The following DAB2IP variants were observed in gnomAD, a reference collection of about 807,000 sequenced individuals.
DAB2IP encodes the protein DAB2 interacting protein.
In DAB2IP, 28 loss-of-function variants were observed where a neutral mutation model predicts 107.2. The observed-to-expected ratio is 0.26, with a 90% confidence interval of 0.19 to 0.36. DAB2IP has a LOEUF of 0.36. Ranked by LOEUF, DAB2IP falls within the 10% of genes least tolerant of loss-of-function variation. The pLI is 1.00. For synonymous variants in DAB2IP, 755 were observed against 706.4 expected (o/e 1.07, Z -1.09); for missense variants, 1,400 against 1,644.7 (o/e 0.85, Z 2.57).
Position 121,760,562 on chromosome 9 carries a change from G to A in DAB2IP, c.1170+123G>A, listed in dbSNP as rs1025945221. On this transcript the variant is annotated intron_variant, in intron 6 of 15. Transcript: ENST00000408936. This position sits in a 1 kb window ranked among gnomAD's most constrained non-coding sequence, Gnocchi z 5.9. ...TTGGAGGCACCGGTCACTACCAGAA[G>A]GGCTCCCTAAACCCAAAAGTTCTAT... 8.4e-5 allele frequency: 106 copies of A among 1,266,518 alleles called. 1 individual carries two copies. The African/African-American group carries it at 1.5e-3, about 18-fold the overall frequency. 78.5% of individuals were successfully genotyped at this position (1,266,518 alleles called of 1,614,324 possible).
Position 121,699,278 on chromosome 9 carries a change from C to CTCAAG in DAB2IP, c.229-47_229-46insTCAAG. Reference sequence around the variant, plus strand: ...CGCGCGGGTCCCGGCCCGCCGCCGCCGCGCTAACCCCGCCTCCCCTTCCCC... The same window carrying CTCAAG: ...CGCGCGGGTCCCGGCCCGCCGCCGCCTCAAGGCGCTAACCCCGCCTCCCCTTCCCC... On this transcript the variant is annotated intron_variant, in intron 2 of 15. Transcript: ENST00000408936. This position sits in a 1 kb window ranked among gnomAD's most constrained non-coding sequence, Gnocchi z 6.2. The CTCAAG allele has an allele frequency of 7.6e-7, 1 of 1,316,368 alleles. No individual in the cohort carries two copies. 81.5% of individuals were successfully genotyped at this position (1,316,368 alleles called of 1,614,324 possible). A position where few individuals can be genotyped will look rare whatever the true frequency, so the allele number is the denominator to read the frequency against.
chr9:121,651,924 C>G lies in DAB2IP; in HGVS notation c.124+25C>G. 7.5e-7 allele frequency: 1 copy of G among 1,338,136 alleles called. No homozygotes were observed. The highest frequency in any genetic ancestry group is 9.6e-7 in the Non-Finnish European group (1 of 1,037,306). The allele number at this position is 1,338,136 out of a possible 1,614,324, so 82.9% of individuals were successfully genotyped here. A position where few individuals can be genotyped will look rare whatever the true frequency, so the allele number is the denominator to read the frequency against. On this transcript the variant is annotated intron_variant, in intron 1 of 15. Transcript: ENST00000408936. This position sits in a 1 kb window ranked among gnomAD's most constrained non-coding sequence, Gnocchi z 5.1. ...GGTAGGCGCCACCCCGACCCCTGACCCCTAGACCCTCCTAAGGCCACTAAG... is the reference window on the plus strand; with the variant it reads ...GGTAGGCGCCACCCCGACCCCTGACGCCTAGACCCTCCTAAGGCCACTAAG...
intron 12 of DAB2IP, 122 bp downstream of exon 12, chr9:121,773,617 C>CCCACCAGCCTGCCACATGCG (rs1174206076): frequency 8.1e-7 from 1 of 1,239,334 alleles, no homozygotes. Flanking sequence ...GCCATCCCAT[C>CCCACCAGCCTGCCACATGCG]CCACCAGCCT....
chr9:121,697,571 T>C (rs1330057783), intron 2 of DAB2IP, among the ~76,000 whole-genome samples: 2 of 152,210 alleles, frequency 1.3e-5, no homozygotes, highest in African/African-American at 4.8e-5. Context: ...GCATTAAGCA[T>C]TGCCTTGTCT....
At chr9:121,758,864 T>C (rs776418092) in intron 4 of DAB2IP, 34 bp from the exon 5 acceptor site, 2 of 1,597,248 alleles carry the variant, frequency 1.3e-6, no homozygotes, top group Non-Finnish European at 1.7e-6. Flanking sequence ...TGTGGTCCCT[T>C]CCCTCATAAC....
At chr9:121,741,658 C>G (rs1465645490) in intron 3 of DAB2IP, among the ~76,000 whole-genome samples, 1 of 151,926 alleles carries the variant, frequency 6.6e-6, no homozygotes, top group East Asian at 1.9e-4. Context: ...CTGGAAATCA[C>G]TGAGGGTCCT....
At position 121,758,094 on chromosome 9, in the gene DAB2IP, C is replaced by T. The variant is rs150960028; in HGVS notation, c.517-804C>T. Among the ~76,000 whole-genome samples, 1,199 of 152,350 alleles carry T rather than the reference C, an allele frequency of 7.9e-3. 4 individuals are homozygous for T. The highest frequency in any genetic ancestry group is 0.013 in the Non-Finnish European group (896 of 68,038). ...AGGGATAGGGTGAAGATGGCCCTGTCTGCTGGTTCACAGCAGGGGGTTCTG... is the reference window on the plus strand; with the variant it reads ...AGGGATAGGGTGAAGATGGCCCTGTTTGCTGGTTCACAGCAGGGGGTTCTG... On this transcript the variant is annotated intron_variant, in intron 4 of 15. Coordinates refer to ENST00000408936, the Ensembl canonical transcript of DAB2IP.
chr9:121,782,924 C>T lies in DAB2IP; in HGVS notation c.*426C>T, dbSNP rs563141457. ...GGGGCCTACACCTGTGGCTTCCCCT[C>T]GCCTCCTTGGGGGGCCCGGGACTCC... On this transcript the variant is annotated 3_prime_UTR_variant, in exon 16 of 16. Transcript: ENST00000408936. The surrounding 1 kb of genome is among the most constrained non-coding windows in gnomAD (Gnocchi z 6.1). The T allele has an allele frequency of 2.1e-5, 21 of 1,021,614 alleles. No individual in the cohort carries two copies. The highest frequency in any genetic ancestry group is 1.0e-4 in the Admixed American group (2 of 19,718). 63.3% of individuals were successfully genotyped at this position (1,021,614 alleles called of 1,614,324 possible). A position where few individuals can be genotyped will look rare whatever the true frequency, so the allele number is the denominator to read the frequency against.
exon 16 of DAB2IP, chr9:121,785,431 A>G (rs1835940605): frequency 6.5e-6 from 1 of 152,818 alleles, no homozygotes; most frequent in South Asian, 2.1e-4. Context: ...CTATGTAATA[A>G]TGTACAGAGG....
At chr9:121,705,601 G>T (rs537758916) in intron 3 of DAB2IP, among the ~76,000 whole-genome samples, 6 of 152,222 alleles carry the variant, frequency 3.9e-5, no homozygotes, top group Non-Finnish European at 8.8e-5. Context: ...GAGCACTCAC[G>T]TGCATACTTG....
intron 8 of DAB2IP, among the ~76,000 whole-genome samples, chr9:121,765,080 G>GGT (rs939327029): frequency 1.3e-5 from 2 of 152,166 alleles, no homozygotes; most frequent in African/African-American, 4.8e-5. Context: ...GGGCCAAATG[G>GGT]GCACCTCAAG....
chr9:121,580,472 G>A (rs1830166278), intron 1 of DAB2IP, among the ~76,000 whole-genome samples: 1 of 152,102 alleles, frequency 6.6e-6, no homozygotes, highest in African/African-American at 2.4e-5. Context: ...TTGAGATTAG[G>A]AGACCAGCCT....
At chr9:121,644,260 AAGG>A (rs777948771) in intron 1 of DAB2IP, among the ~76,000 whole-genome samples, 32 of 151,676 alleles carry the variant, frequency 2.1e-4, no homozygotes, top group Non-Finnish European at 3.4e-4. Context: ...AGGAAGGAGA[AAGG>A]AGGGAAGGAA....
At chr9:121,712,100 A>C (rs1830364910) in intron 3 of DAB2IP, among the ~76,000 whole-genome samples, 1 of 152,168 alleles carries the variant, frequency 6.6e-6, no homozygotes, top group African/African-American at 2.4e-5. Flanking sequence ...AGGGGAGCCG[A>C]TGGTTCCTGG....
chr9:121,650,059 A>G (rs989524012), upstream of DAB2IP, among the ~76,000 whole-genome samples: 1 of 152,196 alleles, frequency 6.6e-6, no homozygotes, highest in African/African-American at 2.4e-5. Context: ...TAGTGTGAGT[A>G]TATTTTATGT....
At chr9:121,737,929 T>TG (rs1714845611) in intron 3 of DAB2IP, among the ~76,000 whole-genome samples, 1 of 150,804 alleles carries the variant, frequency 6.6e-6, no homozygotes, top group Admixed American at 6.6e-5. Flanking sequence ...GGGGACTGAA[T>TG]GGGGGACTCC....
chr9:121,742,992 G>C, intron 3 of DAB2IP: 1 of 985,526 alleles, frequency 1.0e-6, no homozygotes, highest in Non-Finnish European at 1.2e-6. Flanking sequence ...TGGAGCAGTT[G>C]GGGCCTGTGG....
chr9:121,665,337 G>A (rs886799509), intron 1 of DAB2IP, among the ~76,000 whole-genome samples: 9 of 152,070 alleles, frequency 5.9e-5, no homozygotes, highest in Admixed American at 3.3e-4. Flanking sequence ...GTGAGACCCC[G>A]TCTCTAATGA....
At chr9:121,624,707 A>G (rs1831581314) in intron 1 of DAB2IP, among the ~76,000 whole-genome samples, 1 of 152,160 alleles carries the variant, frequency 6.6e-6, no homozygotes, top group Non-Finnish European at 1.5e-5. Context: ...AGGCTACACC[A>G]TCTAGGTTTG....
Sources: allele counts gnomAD v4.1 joint callset (sites outside exome capture counted in the v4.1 genomes callset), GRCh38; gene constraint gnomAD v4.1.1; non-coding constraint Gnocchi (gnomAD v3.1); transcripts MANE v1.5; gene names NCBI Gene and HGNC (gene_info 2026-07-23, HGNC 2026-07-21).